MTUS2: variants seen among roughly 807,000 people sequenced by gnomAD.
MTUS2 encodes microtubule associated scaffold protein 2.
Under a neutral mutation model 114.1 loss-of-function variants are expected in MTUS2, and 40 were observed. The ratio of observed to expected loss-of-function variants is 0.35; its 90% CI spans 0.27 to 0.46. The LOEUF (loss-of-function observed/expected upper bound fraction) is 0.46. Among genes scored for constraint, MTUS2 ranks in the 20% least tolerant of loss-of-function variants. The pLI, the probability that MTUS2 is intolerant of heterozygous loss-of-function variation, is 1.00. For synonymous variants in MTUS2, 688 were observed against 672.0 expected, an observed-to-expected ratio of 1.02 and a Z score of -0.37; for missense variants, 1,679 against 1,705.4, an observed-to-expected ratio of 0.98 and a Z score of 0.27.
At chr13:29,212,291 A>T (rs1270862245) in intron 5 of MTUS2, among the ~76,000 whole-genome samples, 5 of 151,990 alleles carry the variant, frequency 3.3e-5, no homozygotes, top group Non-Finnish European at 4.4e-5. Context: ...TGTAATTCTA[A>T]TGTGGTTGGA....
intron 5 of MTUS2, among the ~76,000 whole-genome samples, chr13:29,144,965 A>G (rs1173518152): frequency 6.6e-6 from 1 of 152,224 alleles, no homozygotes; most frequent in Admixed American, 6.5e-5. Context: ...AGACAAATTT[A>G]GGAAATTATC....
At position 29,318,391 on chromosome 13, in the gene MTUS2, C is replaced by CTTTTTTTTTTTTTCTTTT. The variant is rs71090240; in HGVS notation, c.2807-6211_2807-6210insTTCTTTTTTTTTTTTTTT. On this transcript the variant is annotated intron_variant, in intron 6 of 15. Coordinates refer to ENST00000612955, the MANE Select transcript of MTUS2 (RefSeq NM_001033602.4). ...CTATTATCATTTGTTATTTCTTTTTCTTTTTTTTTTTGAGATGACAGCCTC... is the reference window on the plus strand; with the variant it reads ...CTATTATCATTTGTTATTTCTTTTTCTTTTTTTTTTTTTCTTTTTTTTTTTTTTTGAGATGACAGCCTC... Among the ~76,000 whole-genome samples, 326 of 135,038 alleles carry CTTTTTTTTTTTTTCTTTT rather than the reference C, an allele frequency of 2.4e-3. 9 individuals carry two copies. Among genetic ancestry groups the CTTTTTTTTTTTTTCTTTT allele is most frequent in the African/African-American group, 8.0e-3 (280 of 35,180 alleles). 88.6% of individuals were successfully genotyped at this position (135,038 alleles called of 152,430 possible).
At chr13:28,857,425 A>G (rs988292891) in intron 2 of MTUS2, among the ~76,000 whole-genome samples, 2 of 152,210 alleles carry the variant, frequency 1.3e-5, no homozygotes, top group Non-Finnish European at 2.9e-5. Flanking sequence ...AGATAAGAAC[A>G]AAATTGGCTC....
intron 5 of MTUS2, among the ~76,000 whole-genome samples, chr13:29,259,135 A>G (rs889251261): frequency 2.0e-5 from 3 of 152,222 alleles, no homozygotes; most frequent in Admixed American, 1.3e-4. Flanking sequence ...AAAAGAAACT[A>G]TTAGCCCACC....
chr13:29,420,805 A>G (rs1172354728), intron 8 of MTUS2, among the ~76,000 whole-genome samples: 1 of 152,184 alleles, frequency 6.6e-6, no homozygotes, highest in African/African-American at 2.4e-5. Flanking sequence ...TTCTCTTATG[A>G]GAGTAGTCAG....
chr13:29,459,473 C>G (rs1879339496), intron 9 of MTUS2, among the ~76,000 whole-genome samples: 1 of 152,108 alleles, frequency 6.6e-6, no homozygotes. Context: ...AGCCTCCTCA[C>G]TAGTCCTTAC....
At chr13:28,820,199 G>C (rs972372738), upstream of MTUS2, 1 of 146,632 alleles carries the variant, frequency 6.8e-6, no homozygotes, top group Non-Finnish European at 1.5e-5. Flanking sequence ...AGCCGGGAGC[G>C]CCTGGGCGTC....
At chr13:29,082,273 A>G (rs1889478078) in intron 4 of MTUS2, among the ~76,000 whole-genome samples, 2 of 152,168 alleles carry the variant, frequency 1.3e-5, no homozygotes, top group Admixed American at 6.5e-5. Context: ...TGAGAAATAA[A>G]TGTCTGTTGT....
chr13:29,128,186 C>T, intron 5 of MTUS2, among the ~76,000 whole-genome samples: 1 of 152,204 alleles, frequency 6.6e-6, no homozygotes, highest in East Asian at 1.9e-4. Flanking sequence ...CACATTGCAG[C>T]AGCGAGATGG....
intron 5 of MTUS2, among the ~76,000 whole-genome samples, chr13:29,251,735 G>A (rs1259148809): frequency 1.3e-5 from 2 of 152,122 alleles, no homozygotes; most frequent in Non-Finnish European, 2.9e-5. Context: ...TATCTTCAAG[G>A]TTCATCCATG....
chr13:29,012,215 T>C (rs532976711), intron 2 of MTUS2, among the ~76,000 whole-genome samples: 2 of 152,222 alleles, frequency 1.3e-5, no homozygotes, highest in East Asian at 3.9e-4. Context: ...AGTAAACCCA[T>C]GTGGCGAAGC....
chr13:29,471,372 T>C, intron 9 of MTUS2, among the ~76,000 whole-genome samples: 1 of 151,888 alleles, frequency 6.6e-6, no homozygotes, highest in Non-Finnish European at 1.5e-5. Context: ...TAAAATGAAA[T>C]TTTGCTTCCT....
At chr13:28,900,355 A>G (rs1276598629) in intron 2 of MTUS2, among the ~76,000 whole-genome samples, 2 of 152,056 alleles carry the variant, frequency 1.3e-5, no homozygotes, top group Non-Finnish European at 2.9e-5. Context: ...GGGTTCATGT[A>G]TCACTACCAC....
chr13:29,273,567 C>T (rs1288043038), intron 5 of MTUS2, among the ~76,000 whole-genome samples: 2 of 152,002 alleles, frequency 1.3e-5, no homozygotes, highest in African/African-American at 2.4e-5. Flanking sequence ...ATTCAAGTAC[C>T]GTAAAATTTA....
intron 8 of MTUS2, among the ~76,000 whole-genome samples, chr13:29,371,199 T>G (rs1379190405): frequency 2.1e-5 from 3 of 145,804 alleles, no homozygotes; most frequent in African/African-American, 5.2e-5. Flanking sequence ...TTATTTCATT[T>G]AATATCTTCA....
intron 2 of MTUS2, among the ~76,000 whole-genome samples, chr13:28,946,889 T>G (rs1034089808): frequency 6.6e-6 from 1 of 152,154 alleles, no homozygotes; most frequent in African/African-American, 2.4e-5. Context: ...TCATTTGATG[T>G]GAACTATTTC....
intron 3 of MTUS2, among the ~76,000 whole-genome samples, chr13:29,030,667 G>A (rs1886774886): frequency 6.6e-6 from 1 of 152,108 alleles, no homozygotes; most frequent in Admixed American, 6.5e-5. Flanking sequence ...TGGTCTCTAG[G>A]AAAAGAACAC....
chr13:29,385,712 G>C (rs573863155), intron 8 of MTUS2, among the ~76,000 whole-genome samples: 5 of 152,210 alleles, frequency 3.3e-5, no homozygotes, highest in South Asian at 2.1e-4. Context: ...GCAGTGTTCT[G>C]AGCCAATCAG....
chr13:29,139,251 A>G (rs1017196607), intron 5 of MTUS2, among the ~76,000 whole-genome samples: 2 of 152,196 alleles, frequency 1.3e-5, no homozygotes, highest in African/African-American at 4.8e-5. Flanking sequence ...ACTCAAGCTG[A>G]TGATTACATA....
Sources: allele counts gnomAD v4.1 joint callset (sites outside exome capture counted in the v4.1 genomes callset), GRCh38; gene constraint gnomAD v4.1.1; transcripts MANE v1.5; gene names NCBI Gene and HGNC (gene_info 2026-07-23, HGNC 2026-07-21).